WAC: variants seen among roughly 807,000 people sequenced by gnomAD.
The protein encoded by WAC is WW domain containing adaptor with coiled-coil.
In WAC, 11 loss-of-function variants were observed where a neutral mutation model predicts 79.6. The ratio of observed to expected loss-of-function variants is 0.14; its 90% CI spans 0.09 to 0.23. The LOEUF (loss-of-function observed/expected upper bound fraction) is 0.23, where lower values mean the gene tolerates loss of function less well. WAC is among the 10% of genes least tolerant of loss of function. The pLI is 1.00. For synonymous variants in WAC, 304 were observed against 276.9 expected, an observed-to-expected ratio of 1.10 and a Z score of -0.97; for missense variants, 728 against 773.5, an observed-to-expected ratio of 0.94 and a Z score of 0.70.
At chr10:28,551,727 A>C (rs1837678700) in intron 3 of WAC, among the ~76,000 whole-genome samples, 1 of 150,210 alleles carries the variant, frequency 6.7e-6, no homozygotes, top group South Asian at 2.1e-4. Context: ...AGAAACAGTT[A>C]ATGTTTTGAG....
chr10:28,548,326 TTC>T (rs1319706485), intron 3 of WAC, among the ~76,000 whole-genome samples: 3 of 152,190 alleles, frequency 2.0e-5, no homozygotes, highest in African/African-American at 7.2e-5. Context: ...TCTTTTTTTC[TTC>T]TCTTTTACTT....
chr10:28,547,056 A>G (rs915783743), intron 3 of WAC, among the ~76,000 whole-genome samples: 2 of 152,206 alleles, frequency 1.3e-5, no homozygotes, highest in Non-Finnish European at 2.9e-5. Flanking sequence ...CCTGTTGGGT[A>G]CAAAGATCTC....
intron 3 of WAC, among the ~76,000 whole-genome samples, chr10:28,541,432 T>TTG (rs1837037983): frequency 2.1e-5 from 3 of 141,456 alleles, no homozygotes; most frequent in South Asian, 2.3e-4. Context: ...TTTTTTTTTT[T>TTG]TTTTTTTTTT....
At chr10:28,533,861 G>A (rs557985317) in intron 1 of WAC, 137 bp from the exon 2 acceptor site, 4 of 1,155,630 alleles carry the variant, frequency 3.5e-6, no homozygotes, top group African/African-American at 3.2e-5. Context: ...GGTTTGTGCC[G>A]TGTGCGTGCG....
chr10:28,542,177 T>C (rs904417712), intron 3 of WAC, among the ~76,000 whole-genome samples: 2 of 152,232 alleles, frequency 1.3e-5, no homozygotes, highest in African/African-American at 2.4e-5. Context: ...CTCACTCACT[T>C]CAGTAATGTG....
intron 7 of WAC, among the ~76,000 whole-genome samples, chr10:28,598,318 A>G (rs1446269750): frequency 6.6e-6 from 1 of 152,144 alleles, no homozygotes; most frequent in Non-Finnish European, 1.5e-5. Context: ...TCTGTTGCAA[A>G]CTTGGACATT....
chr10:28,610,964 G>A (rs1160550990), intron 9 of WAC, 143 bp downstream of exon 9: 2 of 824,488 alleles, frequency 2.4e-6, no homozygotes, highest in South Asian at 2.6e-5. Context: ...TGTTTTTTTT[G>A]TAACACTGGC....
At chr10:28,538,115 C>CCT (rs1224760108) in intron 3 of WAC, 3 of 157,738 alleles carry the variant, frequency 1.9e-5, no homozygotes, top group Non-Finnish European at 4.3e-5. Context: ...ATTCTCTCTT[C>CCT]AAAAAACGTA....
chr10:28,589,718 A>C lies in WAC; in HGVS notation c.382-18A>C, dbSNP rs1460257483. 5 of 1,505,720 alleles carry C rather than the reference A, an allele frequency of 3.3e-6. No individual in the cohort carries two copies. The highest frequency in any genetic ancestry group is 1.8e-4 in the Middle Eastern group (1 of 5,704). 93.3% of individuals were successfully genotyped at this position (1,505,720 alleles called of 1,614,324 possible). ...AATAGTATTAACATTTTCTAATTGT[A>C]AAAAATATATTTTTAAGCCTTATGA... On this transcript the variant is annotated intron_variant, in intron 4 of 13. Coordinates refer to ENST00000354911, the MANE Select transcript of WAC (RefSeq NM_016628.5).
chr10:28,539,398 G>T lies in WAC; in HGVS notation c.274+3641G>T, dbSNP rs190552266. Among the ~76,000 whole-genome samples the T allele has an allele frequency of 6.2e-4, 95 of 152,252 alleles. 3 individuals are homozygous for T. The highest frequency in any genetic ancestry group is 6.2e-3 in the Admixed American group (95 of 15,294). On this transcript the variant is annotated intron_variant, in intron 3 of 13. Coordinates refer to ENST00000354911, the MANE Select transcript of WAC (RefSeq NM_016628.5). ...ATTTTATCCATTAGGATTTATTAAAGGAAATAATGTCTATTGTAAATTTAA... is the reference window on the plus strand; with the variant it reads ...ATTTTATCCATTAGGATTTATTAAATGAAATAATGTCTATTGTAAATTTAA...
intron 3 of WAC, among the ~76,000 whole-genome samples, chr10:28,545,040 CAAAAAA>C (rs71391049): frequency 8.7e-6 from 1 of 114,498 alleles, no homozygotes; most frequent in African/African-American, 3.2e-5. Context: ...GACTCTGTCT[CAAAAAA>C]AAAAAAAAAA....
intron 4 of WAC, chr10:28,589,429 A>G (rs1839983268): frequency 5.3e-6 from 1 of 187,144 alleles, no homozygotes; most frequent in Non-Finnish European, 1.1e-5. Flanking sequence ...GATTTCAACA[A>G]TTAAAATTGT....
chr10:28,540,804 G>A (rs1306902465), intron 3 of WAC, among the ~76,000 whole-genome samples: 3 of 152,138 alleles, frequency 2.0e-5, no homozygotes, highest in South Asian at 4.1e-4. Flanking sequence ...GAAAACACAG[G>A]AAACATACTC....
At chr10:28,604,999 G>A (rs183628388) in intron 7 of WAC, among the ~76,000 whole-genome samples, 119 of 152,198 alleles carry the variant, frequency 7.8e-4, no homozygotes, top group African/African-American at 2.8e-3. Flanking sequence ...TGTAGATTGA[G>A]GCATGTAACA....
At chr10:28,599,067 C>T (rs1286861556) in intron 7 of WAC, among the ~76,000 whole-genome samples, 1 of 149,298 alleles carries the variant, frequency 6.7e-6, no homozygotes, top group Non-Finnish European at 1.5e-5. Context: ...CTCCATATTT[C>T]TGAAATGTCC....
rs529050157 is a variant in WAC at position 28,605,532 on chromosome 10, G to A, written c.920-2654G>A. ...TGCCCAAGAGTCCCATAAATATTAA[G>A]TAGAATCAACTGGTTTCCACACTAC... is the stretch of plus-strand genomic sequence containing the variant. On this transcript the variant is annotated intron_variant, in intron 7 of 13. Transcript: ENST00000354911. Among the ~76,000 whole-genome samples the A allele has an allele frequency of 1.1e-4, 17 of 152,302 alleles. No individual in the cohort carries two copies. In the South Asian group the frequency reaches 1.9e-3, roughly 17 times the overall value.
chr10:28,558,703 G>A (rs1247931688), intron 3 of WAC, among the ~76,000 whole-genome samples: 1 of 152,174 alleles, frequency 6.6e-6, no homozygotes, highest in Admixed American at 6.5e-5. Flanking sequence ...TAAAATAATA[G>A]TGAGTTTGCT....
chr10:28,617,941 C>T (rs1435464621), intron 13 of WAC, 157 bp downstream of exon 13: 11 of 876,722 alleles, frequency 1.3e-5, no homozygotes, highest in East Asian at 3.6e-5. Flanking sequence ...TAATATTTCT[C>T]GTGAAGGATA....
chr10:28,536,953 T>C (rs1246556479), intron 3 of WAC, among the ~76,000 whole-genome samples: 1 of 152,214 alleles, frequency 6.6e-6, no homozygotes, highest in African/African-American at 2.4e-5. Flanking sequence ...TCTTCAATAC[T>C]TGGCTTACTT....
Sources: gnomAD v4.1 joint callset for allele counts (sites outside exome capture counted in the v4.1 genomes callset) on GRCh38, gnomAD v4.1.1 for gene constraint, MANE v1.5 for transcripts, NCBI Gene and HGNC (gene_info 2026-07-23, HGNC 2026-07-21) for gene names.